The following FRY variants were observed in gnomAD, a reference collection of about 807,000 sequenced individuals.
The protein encoded by FRY is protein furry homolog.
Under a neutral mutation model 348.4 loss-of-function variants are expected in FRY, and 128 were observed. That is an observed-to-expected ratio of 0.37 (90% CI 0.32 to 0.43). The LOEUF (loss-of-function observed/expected upper bound fraction) is 0.43, where lower values mean the gene tolerates loss of function less well. FRY is among the 20% of genes least tolerant of loss of function. FRY has a pLI of 1.00. For synonymous variants in FRY, 1,370 were observed against 1,374.7 expected (o/e 1.00, Z 0.08); for missense variants, 2,736 against 3,695.2 (o/e 0.74, Z 6.73).
intron 50 of FRY, chr13:32,254,019 T>G: frequency 1.7e-6 from 1 of 601,070 alleles, no homozygotes; most frequent in South Asian, 1.9e-5. Flanking sequence ...AACATTTTCC[T>G]GGTGCATGAA....
chr13:32,124,914 G>T, intron 7 of FRY, 39 bp downstream of exon 7: 1 of 1,412,368 alleles, frequency 7.1e-7, no homozygotes, highest in Non-Finnish European at 1.0e-6. Flanking sequence ...GAGAACGTGC[G>T]TGCTTTCACT....
intron 2 of FRY, chr13:32,085,825 G>A (rs762025042): frequency 1.9e-6 from 1 of 517,246 alleles, no homozygotes; most frequent in South Asian, 1.4e-5. Context: ...ACTGTCAGGT[G>A]CCTGTCCTGA....
At chr13:32,091,604 T>G (rs1418612095) in intron 2 of FRY, among the ~76,000 whole-genome samples, 1 of 152,224 alleles carries the variant, frequency 6.6e-6, no homozygotes, top group Non-Finnish European at 1.5e-5. Flanking sequence ...TTTTCACAGT[T>G]GGGTCCACAG....
At chr13:32,216,175 G>A (rs755682268) in intron 35 of FRY, among the ~76,000 whole-genome samples, 12 of 152,096 alleles carry the variant, frequency 7.9e-5, no homozygotes, top group Non-Finnish European at 4.4e-5. Flanking sequence ...CTTAAGGTAT[G>A]TACCTTTGAT....
intron 35 of FRY, 53 bp from the exon 36 acceptor site, chr13:32,218,696 A>T: frequency 1.1e-6 from 1 of 928,766 alleles, no homozygotes; most frequent in Non-Finnish European, 1.7e-6. Context: ...AAAAAAAAAA[A>T]GCGCATATGC....
intron 1 of FRY, among the ~76,000 whole-genome samples, chr13:32,050,862 C>A (rs180684467): frequency 6.6e-6 from 1 of 152,212 alleles, no homozygotes; most frequent in Non-Finnish European, 1.5e-5. Flanking sequence ...GTAAACCTTA[C>A]ACCTGTACTA....
chr13:32,166,535 G>C (rs137862802), intron 17 of FRY, among the ~76,000 whole-genome samples: 2 of 152,162 alleles, frequency 1.3e-5, no homozygotes, highest in East Asian at 3.9e-4. Context: ...CTTTTAGATA[G>C]CTATTTTTTT....
At chr13:32,134,183 C>A in intron 8 of FRY, among the ~76,000 whole-genome samples, 1 of 152,146 alleles carries the variant, frequency 6.6e-6, no homozygotes, top group East Asian at 1.9e-4. Flanking sequence ...GCCAACTTTC[C>A]TTTTAAAAAA....
chr13:32,182,292 A>C (rs1882762674), intron 23 of FRY, among the ~76,000 whole-genome samples: 1 of 152,258 alleles, frequency 6.6e-6, no homozygotes, highest in African/African-American at 2.4e-5. Context: ...AGATAATCAG[A>C]ACAAAGATAT....
intron 58 of FRY, among the ~76,000 whole-genome samples, chr13:32,287,003 A>T (rs1246168670): frequency 6.6e-6 from 1 of 151,538 alleles, no homozygotes; most frequent in Non-Finnish European, 1.5e-5. Flanking sequence ...ACTAAAAAAA[A>T]AAAAATCAAA....
intron 39 of FRY, among the ~76,000 whole-genome samples, chr13:32,226,508 C>CATTAACTGAG (rs1385817741): frequency 1.3e-5 from 2 of 152,164 alleles, no homozygotes; most frequent in African/African-American, 4.8e-5. Flanking sequence ...GAACAGATGG[C>CATTAACTGAG]ATTAACTGAG....
chr13:32,237,541 C>T lies in FRY; in HGVS notation c.5973C>T (p.Ile1991=), dbSNP rs1163664497. 8.7e-6 allele frequency: 14 copies of T among 1,614,084 alleles called. No homozygotes were observed. The highest frequency in any genetic ancestry group is 3.3e-5 in the South Asian group (3 of 91,080). Reference sequence around the variant, plus strand: ...CTGTGCCCAAGAAGTTTGGTGTCATCGACCGATCCTCTGACCCACCTCGAA... The same window carrying T: ...CTGTGCCCAAGAAGTTTGGTGTCATTGACCGATCCTCTGACCCACCTCGAA... ...SFSVPKKFGV[I]DRSSDPPRSA... The change falls in exon 44 of 61, where the codon ATC becomes ATT. Residue 1991 remains isoleucine (I), a synonymous_variant. Coordinates refer to ENST00000542859, the MANE Select transcript of FRY (RefSeq NM_023037.3). The surrounding 1 kb of genome is among the most constrained non-coding windows in gnomAD (Gnocchi z 6.3).
Position 32,136,940 on chromosome 13 carries a change from A to G in FRY, c.1147A>G (p.Ile383Val), listed in dbSNP as rs758314823. 29 of 1,604,260 alleles carry G rather than the reference A, an allele frequency of 1.8e-5. No homozygotes were observed. The highest frequency in any genetic ancestry group is 1.7e-4 in the African/African-American group (13 of 74,672). ...QKQLFLNRWH[I>V]FLNNCLSNLK... is the part of the protein sequence containing the mutation. ...GCAGCTGTTCCTGAACAGGTGGCACATTTTCCTCAACAACTGCTTGTCCAA... is the reference window on the plus strand; with the variant it reads ...GCAGCTGTTCCTGAACAGGTGGCACGTTTTCCTCAACAACTGCTTGTCCAA... The change falls in exon 11 of 61, where the codon ATT (isoleucine) becomes GTT (valine). Residue 383 changes from isoleucine (I) to valine (V), a missense_variant. Physicochemically the swap from Ile to Val is conservative, Grantham distance 29. This residue lies in a region of FRY where 191 missense variants were observed against 370.2 expected (regional missense o/e 0.52). Coordinates refer to ENST00000542859, the MANE Select transcript of FRY (RefSeq NM_023037.3).
intron 1 of FRY, among the ~76,000 whole-genome samples, chr13:32,072,878 C>T (rs1011077295): frequency 2.6e-5 from 4 of 152,156 alleles, no homozygotes; most frequent in African/African-American, 9.7e-5. Context: ...CAACCATGAA[C>T]AAAGAAATCT....
In FRY at chr13:32,131,708, A is replaced by T. The variant is rs1303168833; in HGVS notation, c.753A>T (p.Leu251=). The T allele has an allele frequency of 6.2e-7, 1 of 1,613,774 alleles. No individual in the cohort carries two copies. The highest frequency in any genetic ancestry group is 8.5e-7 in the Non-Finnish European group (1 of 1,179,790). ...PAVKKKFMAE[L]KELRHKEQNP... ...TAAAGAAGAAATTTATGGCGGAGCT[A>T]AAAGAATTACGGCACAAAGAGCAGA... The change falls in exon 8 of 61, where the codon CTA becomes CTT. Residue 251 remains leucine (L), a synonymous_variant. Transcript: ENST00000542859.
intron 31 of FRY, among the ~76,000 whole-genome samples, chr13:32,204,983 A>G (rs9562552): frequency 0.046 from 6,941 of 152,264 alleles, 343 homozygotes; most frequent in East Asian, 0.28. Flanking sequence ...CAGGTGGACC[A>G]CTTGAGGCCA....
At chr13:32,249,502 A>G in intron 48 of FRY, 24 bp from the exon 49 acceptor site, 3 of 1,613,460 alleles carry the variant, frequency 1.9e-6, no homozygotes, top group Non-Finnish European at 2.5e-6. Flanking sequence ...AGACAGAATA[A>G]TGTGCGTTTG....
intron 17 of FRY, among the ~76,000 whole-genome samples, chr13:32,163,568 T>C (rs1881572746): frequency 6.6e-6 from 1 of 152,244 alleles, no homozygotes; most frequent in Non-Finnish European, 1.5e-5. Context: ...GTTCACTTTA[T>C]TCAATAGAAG....
chr13:32,260,299 T>C (rs1887561945), intron 51 of FRY, among the ~76,000 whole-genome samples: 1 of 152,250 alleles, frequency 6.6e-6, no homozygotes, highest in Admixed American at 6.5e-5. Context: ...TGTTTCAAAT[T>C]ACCAGTAAAT....
Sources: allele counts gnomAD v4.1 joint callset (sites outside exome capture counted in the v4.1 genomes callset), GRCh38; gene constraint gnomAD v4.1.1; regional missense constraint gnomAD v4.1.1; non-coding constraint Gnocchi (gnomAD v3.1); transcripts MANE v1.5; gene names NCBI Gene and HGNC (gene_info 2026-07-23, HGNC 2026-07-21).